ZNF568: variants seen among roughly 807,000 people sequenced by gnomAD.
ZNF568 encodes p53 inhibitor of SCO2 activation.
A neutral mutation model predicts 18.1 loss-of-function variants in ZNF568; 11 were observed. The observed-to-expected ratio is 0.61, with a 90% CI of 0.38 to 1.00. ZNF568 has a LOEUF of 1.00. ZNF568 is among the 50% of genes least tolerant of loss of function. The pLI, the probability that ZNF568 is intolerant of heterozygous loss-of-function variation, is 0.01. For synonymous variants in ZNF568, 213 were observed against 246.6 expected (o/e 0.86, Z 1.28); for missense variants, 639 against 768.2 (o/e 0.83, Z 1.99).
chr19:36,936,212 C>G (rs992573441), intron 4 of ZNF568, among the ~76,000 whole-genome samples: 3 of 152,176 alleles, frequency 2.0e-5, no homozygotes, highest in African/African-American at 7.2e-5. Context: ...AAATGTTGGT[C>G]TTATGTAGCT....
intron 5 of ZNF568, 70 bp from the exon 6 acceptor site, chr19:36,937,077 G>T: frequency 2.0e-6 from 3 of 1,515,836 alleles, no homozygotes; most frequent in Admixed American, 3.6e-5. Flanking sequence ...CTCAAGCTTG[G>T]ACTTAGCCTA....
downstream of ZNF568, among the ~76,000 whole-genome samples, chr19:36,983,660 A>G (rs2074350249): frequency 6.6e-6 from 1 of 151,900 alleles, no homozygotes; most frequent in South Asian, 2.1e-4. Flanking sequence ...TCTATCAGTT[A>G]TTTCTAGTGT....
At chr19:36,919,942 A>C (rs1053090962) in intron 2 of ZNF568, among the ~76,000 whole-genome samples, 1 of 152,224 alleles carries the variant, frequency 6.6e-6, no homozygotes, top group Admixed American at 6.5e-5. Context: ...TGTGCCTACT[A>C]TACTATACTT....
chr19:36,988,018 A>G (rs994255811), intron 2 of ZNF568, among the ~76,000 whole-genome samples: 1 of 152,126 alleles, frequency 6.6e-6, no homozygotes, highest in African/African-American at 2.4e-5. Context: ...GGCTTTCTCT[A>G]GGAGAAACCT....
intron 6 of ZNF568, among the ~76,000 whole-genome samples, chr19:36,942,761 C>A (rs77628383): frequency 0.024 from 3,599 of 152,164 alleles, 76 homozygotes; most frequent in Admixed American, 0.063. Flanking sequence ...AACTACTTTA[C>A]CTTTTCTTTT....
chr19:36,953,837 G>A (rs2074087409), downstream of ZNF568, among the ~76,000 whole-genome samples: 2 of 152,120 alleles, frequency 1.3e-5, no homozygotes, highest in Non-Finnish European at 2.9e-5. Flanking sequence ...CTTGAATGCG[G>A]GAGGCAGAGG....
chr19:36,987,675 C>G (rs557247709), intron 2 of ZNF568, among the ~76,000 whole-genome samples: 61 of 152,060 alleles, frequency 4.0e-4, no homozygotes, highest in Admixed American at 1.8e-3. Flanking sequence ...AAAAGGGAGC[C>G]CAGGCCCTGG....
exon 4 of ZNF568, chr19:36,991,813 G>T (rs1250857444): frequency 1.3e-6 from 2 of 1,580,202 alleles, no homozygotes; most frequent in Admixed American, 1.8e-5. Flanking sequence ...GCCCTGGATG[G>T]TTAAGAGGAA....
rs138419937 is a variant in ZNF568, at chr19:36,952,038, C to CT, written c.*967dup. 88,097 of 871,314 alleles carry CT rather than the reference C, an allele frequency of 0.1. 744 individuals are homozygous for CT. Among genetic ancestry groups the CT allele is most frequent in the Non-Finnish European group, 0.11 (82,071 of 750,478 alleles). 54.0% of individuals were successfully genotyped at this position (871,314 alleles called of 1,614,324 possible). On this transcript the variant is annotated 3_prime_UTR_variant, in exon 7 of 7. Transcript: ENST00000333987. ...TGTCTATGACGTTGAGGCCAAGGAG[C>CT]TTTTTTTTTTTTTTTTTCAAGACAA...
intron 4 of ZNF568, among the ~76,000 whole-genome samples, chr19:36,934,453 C>T (rs745352220): frequency 2.7e-4 from 41 of 151,742 alleles, no homozygotes; most frequent in Non-Finnish European, 4.6e-4. Flanking sequence ...TCCCAGTAGC[C>T]GAGACTACTG....
downstream of ZNF568, chr19:36,952,790 A>C (rs528120028): frequency 4.5e-4 from 262 of 582,146 alleles, no homozygotes; most frequent in Non-Finnish European, 5.4e-4. Context: ...ACAACAGGCC[A>C]AGGGAAGCCT....
At chr19:36,947,205 G>A (rs1330615653) in intron 6 of ZNF568, among the ~76,000 whole-genome samples, 3 of 151,704 alleles carry the variant, frequency 2.0e-5, no homozygotes, top group East Asian at 1.9e-4. Context: ...TAGTAGAGAC[G>A]GGGTTTCATC....
At chr19:36,938,539 C>T (rs781701683) in intron 6 of ZNF568, among the ~76,000 whole-genome samples, 2 of 152,120 alleles carry the variant, frequency 1.3e-5, no homozygotes, top group African/African-American at 4.8e-5. Context: ...AAACAAAATC[C>T]TGTCTTTATG....
At chr19:36,930,484 C>T (rs1278012369) in intron 4 of ZNF568, among the ~76,000 whole-genome samples, 2 of 152,166 alleles carry the variant, frequency 1.3e-5, no homozygotes, top group African/African-American at 4.8e-5. Context: ...GCTGGGATTA[C>T]AAGCATGAGC....
At chr19:36,964,521 TAATG>T (rs2074179462) in intron 6 of ZNF568, among the ~76,000 whole-genome samples, 1 of 152,142 alleles carries the variant, frequency 6.6e-6, no homozygotes, top group Non-Finnish European at 1.5e-5. Context: ...TAAGTCAAAA[TAATG>T]AAGTGAGCCA....
intron 7 of ZNF568, among the ~76,000 whole-genome samples, chr19:36,974,960 G>A (rs1162410696): frequency 1.3e-5 from 2 of 150,336 alleles, no homozygotes; most frequent in African/African-American, 4.9e-5. Flanking sequence ...CTGAGTAGCC[G>A]AGATTACAGG....
At chr19:36,939,238 A>C (rs1026451656) in intron 6 of ZNF568, among the ~76,000 whole-genome samples, 1 of 152,224 alleles carries the variant, frequency 6.6e-6, no homozygotes, top group Middle Eastern at 3.4e-3. Context: ...GGCTGTTTGC[A>C]TCTCTTTGTT....
At chr19:36,942,913 A>G (rs988060565) in intron 6 of ZNF568, among the ~76,000 whole-genome samples, 1 of 152,136 alleles carries the variant, frequency 6.6e-6, no homozygotes, top group Admixed American at 6.5e-5. Flanking sequence ...AATGTTGTTT[A>G]TGGTTGGTTT....
chr19:36,937,328 A>G (rs2073808378), intron 6 of ZNF568, 86 bp downstream of exon 6: 3 of 1,154,410 alleles, frequency 2.6e-6, no homozygotes, highest in East Asian at 2.4e-5. Context: ...AATTTCCAAG[A>G]TTTTCTTAAA....
Sources: allele counts gnomAD v4.1 joint callset (sites outside exome capture counted in the v4.1 genomes callset), GRCh38; gene constraint gnomAD v4.1.1; transcripts MANE v1.5; gene names NCBI Gene and HGNC (gene_info 2026-07-23, HGNC 2026-07-21).